The following SOCS2 variants were observed in gnomAD, a reference collection of about 807,000 sequenced individuals.
The protein encoded by SOCS2 is CIS-2.
In SOCS2, 10 loss-of-function variants were observed where a neutral mutation model predicts 18.6. That is an observed-to-expected ratio of 0.54 (90% CI 0.33 to 0.91). SOCS2 has a LOEUF of 0.91. SOCS2 is among the 40% of genes least tolerant of loss of function. The pLI is 0.02. For synonymous variants in SOCS2, 104 were observed against 104.0 expected, an observed-to-expected ratio of 1.00 and a Z score of 0.00; for missense variants, 231 against 247.2, an observed-to-expected ratio of 0.93 and a Z score of 0.44.
chr12:93,595,906 A>AT, the SOCS2 span, among the ~76,000 whole-genome samples: 1 of 131,466 alleles, frequency 7.6e-6, no homozygotes, highest in Non-Finnish European at 1.6e-5. Context: ...ATTTGTTTTT[A>AT]ATTTTTTTTT....
the SOCS2 span, among the ~76,000 whole-genome samples, chr12:93,620,629 G>A: frequency 6.6e-6 from 1 of 151,894 alleles, no homozygotes; most frequent in Non-Finnish European, 1.5e-5. Flanking sequence ...GGCCAGGCTG[G>A]TCTCAAACTC....
the SOCS2 span, among the ~76,000 whole-genome samples, chr12:93,594,152 G>A: frequency 5.3e-5 from 8 of 152,182 alleles, no homozygotes; most frequent in South Asian, 2.1e-4. Flanking sequence ...AGAACAAATC[G>A]GTTTCTCAGT....
chr12:93,570,113 G>A (rs1954193765), upstream of SOCS2: 1 of 152,150 alleles, frequency 6.6e-6, no homozygotes, highest in Non-Finnish European at 1.5e-5. Flanking sequence ...CCCAGCCCTG[G>A]GGCGTCAGCC....
chr12:93,609,210 G>A, the SOCS2 span, among the ~76,000 whole-genome samples: 5 of 152,122 alleles, frequency 3.3e-5, no homozygotes, highest in Non-Finnish European at 5.9e-5. Context: ...TGACCAACAT[G>A]GCAAAACCCT....
the SOCS2 span, among the ~76,000 whole-genome samples, chr12:93,612,650 A>G: frequency 4.6e-5 from 7 of 152,122 alleles, no homozygotes; most frequent in Non-Finnish European, 1.0e-4. Context: ...CATAGGGAGG[A>G]ATTGTATTGT....
downstream of SOCS2, among the ~76,000 whole-genome samples, chr12:93,587,767 AAC>A (rs1303171369): frequency 6.6e-6 from 1 of 152,266 alleles, no homozygotes; most frequent in African/African-American, 2.4e-5. Flanking sequence ...GGTGTGAGAG[AAC>A]ACAGTTTGTT....
intron 1 of SOCS2, chr12:93,583,004 T>C (rs1954560490): frequency 6.6e-6 from 1 of 151,674 alleles, no homozygotes. Flanking sequence ...GGTTTTGTTT[T>C]TTTTTTTTTT....
At chr12:93,623,709 G>C in the SOCS2 span, among the ~76,000 whole-genome samples, 3 of 151,910 alleles carry the variant, frequency 2.0e-5, no homozygotes, top group African/African-American at 4.8e-5. Context: ...ATTTAATCAT[G>C]AATTTTTTTT....
chr12:93,597,561 C>G, the SOCS2 span, among the ~76,000 whole-genome samples: 1 of 152,170 alleles, frequency 6.6e-6, no homozygotes. Context: ...AGCGATCCAC[C>G]CACCTCAGAC....
At chr12:93,614,480 TTTCCTTCC>T in the SOCS2 span, among the ~76,000 whole-genome samples, 224 of 26,086 alleles carry the variant, frequency 8.6e-3, 3 homozygotes, top group African/African-American at 0.01. Context: ...CCTTCCTTCC[TTTCCTTCC>T]TTCCTTCCTT....
the SOCS2 span, among the ~76,000 whole-genome samples, chr12:93,614,595 C>A: frequency 4.7e-5 from 5 of 106,380 alleles, no homozygotes; most frequent in African/African-American, 1.3e-4. Flanking sequence ...TTCTTTCTTT[C>A]TTTCTTTCTT....
chr12:93,614,540 C>CTTCTTTCT, the SOCS2 span, among the ~76,000 whole-genome samples: 22 of 37,138 alleles, frequency 5.9e-4, 1 homozygote, highest in East Asian at 4.7e-3. Context: ...TCCTTCCTTC[C>CTTCTTTCT]TTCTTTCTTT....
At chr12:93,609,423 A>T in the SOCS2 span, among the ~76,000 whole-genome samples, 1 of 151,842 alleles carries the variant, frequency 6.6e-6, no homozygotes, top group Non-Finnish European at 1.5e-5. Context: ...ATAAATAAAG[A>T]CTGTAAAATT....
In SOCS2 at chr12:93,575,460, G is replaced by A. The variant is rs538400191; in HGVS notation, c.*281G>A. 140 of 186,078 alleles carry A rather than the reference G, an allele frequency of 7.5e-4. No individual in the cohort carries two copies. The highest frequency in any genetic ancestry group is 4.3e-3 in the Admixed American group (77 of 17,994). 11.5% of individuals were successfully genotyped at this position (186,078 alleles called of 1,614,324 possible). On this transcript the variant is annotated 3_prime_UTR_variant, in exon 2 of 2. Transcript: ENST00000551556. ...TGTCGCATGTAAAGGCTGAAGTCGC[G>A]TTTTATCAGAATGCCTTGCCTTCTT...
rs1373177093 is a variant in SOCS2, at chr12:93,572,743, G to A, written c.-155G>A. 2 of 946,892 alleles carry A rather than the reference G, an allele frequency of 2.1e-6. No individual in the cohort carries two copies. Among genetic ancestry groups the A allele is most frequent in the East Asian group, 2.6e-5 (1 of 38,336 alleles). The allele number at this position is 946,892 out of a possible 1,614,324, so 58.7% of individuals were successfully genotyped here. A position where few individuals can be genotyped will look rare whatever the true frequency, so the allele number is the denominator to read the frequency against. ...TTGTCATCCGTCCTCCAGGATCTGG[G>A]GAGAAAGAGCCCCATCCCTTCTCTC... is the stretch of plus-strand genomic sequence containing the variant. On this transcript the variant is annotated 5_prime_UTR_variant, in exon 1 of 2. Coordinates refer to ENST00000551556, the MANE Select transcript of SOCS2 (RefSeq NM_001270471.2). The surrounding 1 kb of genome is among the most constrained non-coding windows in gnomAD (Gnocchi z 5.0).
the SOCS2 span, among the ~76,000 whole-genome samples, chr12:93,612,595 G>A: frequency 6.6e-6 from 1 of 152,108 alleles, no homozygotes; most frequent in Non-Finnish European, 1.5e-5. Flanking sequence ...CTCTGTCTCA[G>A]AATCATCTTC....
the SOCS2 span, among the ~76,000 whole-genome samples, chr12:93,589,714 T>C: frequency 2.8e-4 from 42 of 152,340 alleles, 1 homozygote; most frequent in Middle Eastern, 3.4e-3. Context: ...TCCAGGAACA[T>C]ATAGATTTGC....
At chr12:93,598,106 T>C in the SOCS2 span, among the ~76,000 whole-genome samples, 3,152 of 152,278 alleles carry the variant, frequency 0.021, 97 homozygotes, top group African/African-American at 0.072. Context: ...GATATCAGAC[T>C]GGCAGGGAAA....
chr12:93,599,337 T>A, the SOCS2 span, among the ~76,000 whole-genome samples: 1 of 152,202 alleles, frequency 6.6e-6, no homozygotes, highest in South Asian at 2.1e-4. Flanking sequence ...ATTTTAATTT[T>A]TATTTGTATA....
Sources: gnomAD v4.1 joint callset for allele counts (sites outside exome capture counted in the v4.1 genomes callset) on GRCh38, gnomAD v4.1.1 for gene constraint, Gnocchi (gnomAD v3.1) non-coding constraint, MANE v1.5 for transcripts, NCBI Gene and HGNC (gene_info 2026-07-23, HGNC 2026-07-21) for gene names.